The following TBC1D22A variants were observed in gnomAD, a reference collection of about 807,000 sequenced individuals.
TBC1D22A encodes the protein putative GTPase activator.
In TBC1D22A, 38 loss-of-function variants were observed where a neutral mutation model predicts 60.2. The ratio of observed to expected loss-of-function variants is 0.63; its 90% CI spans 0.49 to 0.83. TBC1D22A has a LOEUF of 0.83. Ranked by LOEUF, TBC1D22A falls within the 40% of genes least tolerant of loss-of-function variation. The pLI, the probability that TBC1D22A is intolerant of heterozygous loss-of-function variation, is 0.00. For synonymous variants in TBC1D22A, 302 were observed against 281.7 expected (o/e 1.07, Z -0.72); for missense variants, 628 against 701.0 (o/e 0.90, Z 1.18).
intron 8 of TBC1D22A, among the ~76,000 whole-genome samples, chr22:46,930,714 C>G (rs2071311307): frequency 6.6e-6 from 1 of 151,782 alleles, no homozygotes; most frequent in African/African-American, 2.4e-5. Context: ...CCACCTGCCT[C>G]GGCCTCCCAA....
chr22:46,805,516 C>T lies in TBC1D22A; in HGVS notation c.637+7896C>T, dbSNP rs1025344713. Among the ~76,000 whole-genome samples, 45 of 152,314 alleles carry T rather than the reference C, an allele frequency of 3.0e-4. 1 individual carries two copies. The highest frequency in any genetic ancestry group is 1.0e-3 in the South Asian group (5 of 4,832). ...GTCACTTGACCTCTTCCTCACAGCTCTAAAGGGGCTGTCACCATCATGGGG... is the reference window on the plus strand; with the variant it reads ...GTCACTTGACCTCTTCCTCACAGCTTTAAAGGGGCTGTCACCATCATGGGG... On this transcript the variant is annotated intron_variant, in intron 4 of 12. Transcript: ENST00000337137.
At chr22:46,855,714 G>C (rs988340687) in intron 4 of TBC1D22A, among the ~76,000 whole-genome samples, 1 of 152,180 alleles carries the variant, frequency 6.6e-6, no homozygotes, top group Admixed American at 6.5e-5. Context: ...GCCTGACCGT[G>C]CCGTGTGGGT....
chr22:47,080,089 A>T (rs1032718661), intron 11 of TBC1D22A, among the ~76,000 whole-genome samples: 5 of 152,202 alleles, frequency 3.3e-5, no homozygotes, highest in African/African-American at 1.2e-4. Context: ...CGTATAAACT[A>T]CCCTAAATGT....
intron 12 of TBC1D22A, among the ~76,000 whole-genome samples, chr22:47,119,890 G>A (rs73479306): frequency 0.029 from 4,491 of 152,268 alleles, 231 homozygotes; most frequent in African/African-American, 0.1. Flanking sequence ...TGTCTGTCCA[G>A]GGCGCCTCGT....
chr22:46,915,295 A>C, intron 8 of TBC1D22A: 2 of 422,252 alleles, frequency 4.7e-6, no homozygotes, highest in South Asian at 3.5e-5. Context: ...CAGAGAGGCT[A>C]TTCTGGTTTG....
intron 11 of TBC1D22A, among the ~76,000 whole-genome samples, chr22:47,110,542 T>C (rs1282151931): frequency 6.6e-6 from 1 of 152,206 alleles, no homozygotes; most frequent in Non-Finnish European, 1.5e-5. Context: ...TTTGTCACCT[T>C]AGGCGATTGA....
intron 1 of TBC1D22A, among the ~76,000 whole-genome samples, chr22:46,775,214 G>C (rs1355202904): frequency 2.0e-5 from 3 of 152,216 alleles, no homozygotes; most frequent in Admixed American, 2.0e-4. Context: ...GCTCCTCCGC[G>C]AGGGCTTGGT....
chr22:46,915,944 A>G (rs998374924), intron 8 of TBC1D22A: 3 of 442,924 alleles, frequency 6.8e-6, no homozygotes, highest in Non-Finnish European at 1.4e-5. Flanking sequence ...TCTCAGTGTT[A>G]CGTTCTTTGA....
chr22:47,114,061 T>G (rs1345667241), intron 12 of TBC1D22A, among the ~76,000 whole-genome samples: 1 of 152,176 alleles, frequency 6.6e-6, no homozygotes, highest in Non-Finnish European at 1.5e-5. Context: ...CTGCCGCAGC[T>G]CATTGGGCTT....
At chr22:46,991,575 G>C (rs1033969587) in intron 9 of TBC1D22A, among the ~76,000 whole-genome samples, 2 of 152,234 alleles carry the variant, frequency 1.3e-5, no homozygotes, top group African/African-American at 4.8e-5. Flanking sequence ...TCCGTGGGAA[G>C]CGCGTGTAGT....
intron 4 of TBC1D22A, among the ~76,000 whole-genome samples, chr22:46,826,227 T>A (rs551457201): frequency 6.6e-6 from 1 of 152,330 alleles, no homozygotes; most frequent in Admixed American, 6.5e-5. Context: ...TGTGACTGGA[T>A]GTTCTTCTGC....
In TBC1D22A at chr22:47,030,260, T is replaced by A. The variant is rs780262803; in HGVS notation, c.1202-6811T>A. Among the ~76,000 whole-genome samples, 76 of 152,236 alleles carry A rather than the reference T, an allele frequency of 5.0e-4. 2 individuals are homozygous for A. Among genetic ancestry groups the A allele is most frequent in the Non-Finnish European group, 1.0e-4 (7 of 68,044 alleles). On this transcript the variant is annotated intron_variant, in intron 10 of 12. Transcript: ENST00000337137. ...GTGCGGGGGGTTGAAAGGTTTTCTT[T>A]GTCAGGTGTCTAAGTGTGAGCCATT... is the stretch of plus-strand genomic sequence containing the variant.
chr22:47,056,531 A>G (rs545903042), intron 11 of TBC1D22A, among the ~76,000 whole-genome samples: 14 of 152,092 alleles, frequency 9.2e-5, no homozygotes, highest in Non-Finnish European at 1.8e-4. Context: ...ATCCGTCACC[A>G]ACTCCTCCCT....
intron 12 of TBC1D22A, among the ~76,000 whole-genome samples, chr22:47,166,025 C>T (rs138768535): frequency 1.6e-4 from 24 of 152,350 alleles, no homozygotes; most frequent in Non-Finnish European, 2.8e-4. Flanking sequence ...TTAGCCCCAT[C>T]GTGATTAATT....
intron 8 of TBC1D22A, among the ~76,000 whole-genome samples, chr22:46,966,120 C>G (rs1202277920): frequency 6.6e-6 from 1 of 152,236 alleles, no homozygotes; most frequent in Non-Finnish European, 1.5e-5. Context: ...ACAAGCTCTT[C>G]CTCCTCTTTC....
rs575604546 is a variant in TBC1D22A at position 47,128,794 on chromosome 22, C to T, written c.1425+17191C>T. On this transcript the variant is annotated intron_variant, in intron 12 of 12. Coordinates refer to ENST00000337137, the MANE Select transcript of TBC1D22A (RefSeq NM_014346.5). ...TGGACTCCGGGCAAGCACCTGGCGACGGTGTAACTGGCTGTGTACTGCGTC... is the reference window on the plus strand; with the variant it reads ...TGGACTCCGGGCAAGCACCTGGCGATGGTGTAACTGGCTGTGTACTGCGTC... 5.3e-5 allele frequency among the ~76,000 whole-genome samples: 8 copies of T among 152,284 alleles called. No homozygotes were observed. The South Asian group carries it at 6.2e-4, about 12-fold the overall frequency.
intron 10 of TBC1D22A, among the ~76,000 whole-genome samples, chr22:47,033,763 C>T (rs189401921): frequency 2.0e-4 from 30 of 152,252 alleles, no homozygotes; most frequent in Admixed American, 1.4e-3. Context: ...GCCCGGGGCG[C>T]GGGGAAGCCT....
chr22:46,998,111 G>A (rs986249731), intron 10 of TBC1D22A, among the ~76,000 whole-genome samples: 1 of 152,094 alleles, frequency 6.6e-6, no homozygotes, highest in Non-Finnish European at 1.5e-5. Context: ...TAATTACTGA[G>A]TCTGGAAATA....
chr22:47,076,359 G>GTATA (rs1375339824), intron 11 of TBC1D22A, among the ~76,000 whole-genome samples: 59 of 85,166 alleles, frequency 6.9e-4, no homozygotes, highest in South Asian at 6.1e-3. Context: ...ATATATGTGT[G>GTATA]TGTATATATA....
Sources: allele counts gnomAD v4.1 joint callset (sites outside exome capture counted in the v4.1 genomes callset), GRCh38; gene constraint gnomAD v4.1.1; transcripts MANE v1.5; gene names NCBI Gene and HGNC (gene_info 2026-07-23, HGNC 2026-07-21).